The following EBF2 variants were observed in gnomAD, a reference collection of about 807,000 sequenced individuals.
EBF2 encodes transcription factor COE2.
EBF2 carries 21 observed loss-of-function variants against 72.8 expected under a neutral mutation model. The observed-to-expected ratio is 0.29, with a 90% CI of 0.20 to 0.42. The LOEUF (loss-of-function observed/expected upper bound fraction) is 0.42. EBF2 is among the 10% of genes least tolerant of loss of function. The probability of loss-of-function intolerance (pLI) is 1.00; values close to 1 mark genes in which losing one functional copy is unlikely to be tolerated. For synonymous variants in EBF2, 299 were observed against 274.2 expected (o/e 1.09, Z -0.89); for missense variants, 637 against 731.2 (o/e 0.87, Z 1.49).
chr8:25,984,681 CA>C (rs200616204), intron 6 of EBF2, among the ~76,000 whole-genome samples: 17,537 of 140,980 alleles, frequency 0.12, 1,325 homozygotes, highest in East Asian at 0.32. Context: ...GACTCCATCT[CA>C]AAAAAAAAAA....
At chr8:25,905,466 A>G (rs183743221) in intron 7 of EBF2, among the ~76,000 whole-genome samples, 1 of 152,292 alleles carries the variant, frequency 6.6e-6, no homozygotes, top group Admixed American at 6.5e-5. Context: ...AATGAATTTT[A>G]AAATGTGATA....
At chr8:25,853,031 G>A (rs1306770980) in intron 14 of EBF2, among the ~76,000 whole-genome samples, 1 of 152,126 alleles carries the variant, frequency 6.6e-6, no homozygotes, top group East Asian at 1.9e-4. Flanking sequence ...CTTAATAAAG[G>A]TGACATTTCA....
intron 6 of EBF2, among the ~76,000 whole-genome samples, chr8:26,029,632 C>T (rs530839236): frequency 1.3e-5 from 2 of 152,184 alleles, no homozygotes; most frequent in African/African-American, 4.8e-5. Context: ...TGTGAGAAAA[C>T]GCAAAGACAG....
At chr8:26,043,474 G>A (rs953178482) in intron 1 of EBF2, among the ~76,000 whole-genome samples, 1 of 152,258 alleles carries the variant, frequency 6.6e-6, no homozygotes, top group African/African-American at 2.4e-5. Context: ...GCTCTGCGGT[G>A]CTGCCTTATT....
At chr8:26,007,144 T>C (rs182172794) in intron 6 of EBF2, among the ~76,000 whole-genome samples, 63 of 152,312 alleles carry the variant, frequency 4.1e-4, no homozygotes, top group Non-Finnish European at 5.0e-4. Context: ...TTTGGAGCCA[T>C]GTTGCTTCAG....
chr8:25,968,732 A>G (rs1024825062), intron 6 of EBF2, among the ~76,000 whole-genome samples: 1 of 152,154 alleles, frequency 6.6e-6, no homozygotes, highest in Non-Finnish European at 1.5e-5. Context: ...TAATTTTTGT[A>G]TTTTTAGTAG....
intron 6 of EBF2, among the ~76,000 whole-genome samples, chr8:25,994,747 T>C (rs943583518): frequency 2.0e-5 from 3 of 152,096 alleles, no homozygotes; most frequent in Admixed American, 6.6e-5. Flanking sequence ...TGAGTACACA[T>C]GGACACAAAT....
chr8:25,941,551 G>A (rs1803670813), intron 6 of EBF2, among the ~76,000 whole-genome samples: 1 of 152,074 alleles, frequency 6.6e-6, no homozygotes, highest in Non-Finnish European at 1.5e-5. Context: ...GACTCTTTTT[G>A]GGGAATGGGA....
intron 5 of EBF2, among the ~76,000 whole-genome samples, chr8:26,033,482 G>A (rs932450185): frequency 1.1e-4 from 16 of 152,130 alleles, no homozygotes; most frequent in Admixed American, 3.3e-4. Context: ...TGCCCACCTC[G>A]GCCTCCCAAA....
At chr8:25,969,528 C>A (rs886957868) in intron 6 of EBF2, among the ~76,000 whole-genome samples, 1 of 152,220 alleles carries the variant, frequency 6.6e-6, no homozygotes, top group Admixed American at 6.5e-5. Context: ...CATGGAGCAC[C>A]TATCCCGGGA....
chr8:25,849,516 T>C (rs1177577198), intron 15 of EBF2, among the ~76,000 whole-genome samples: 1 of 152,200 alleles, frequency 6.6e-6, no homozygotes, highest in African/African-American at 2.4e-5. Context: ...TAATGAAACC[T>C]CTTCCCTTTT....
intron 6 of EBF2, among the ~76,000 whole-genome samples, chr8:25,950,115 C>T (rs1430546406): frequency 6.6e-6 from 1 of 152,160 alleles, no homozygotes; most frequent in African/African-American, 2.4e-5. Flanking sequence ...CCATGGCCAC[C>T]TTAATCAGAG....
At chr8:25,941,766 G>T (rs1803677245) in intron 6 of EBF2, among the ~76,000 whole-genome samples, 1 of 152,044 alleles carries the variant, frequency 6.6e-6, no homozygotes. Context: ...TGCCCCTACA[G>T]GTGCTGCTCC....
intron 14 of EBF2, among the ~76,000 whole-genome samples, chr8:25,854,559 T>A (rs1024439195): frequency 3.9e-5 from 6 of 152,202 alleles, no homozygotes. Flanking sequence ...TAACAATGGT[T>A]ACCTCTGCAC....
In EBF2 at chr8:26,044,117, G is replaced by C. The variant is rs751628941; in HGVS notation, c.131+612C>G. ...TTTCTCCAGTTCCCTAGCTCCGTTC[G>C]TCTGGCTCACTGTTTTATCTTTGAG... On this transcript the variant is annotated intron_variant, in intron 1 of 15. Coordinates refer to ENST00000520164, the MANE Select transcript of EBF2 (RefSeq NM_022659.4). This position sits in a 1 kb window ranked among gnomAD's most constrained non-coding sequence, Gnocchi z 4.1. 6.6e-6 allele frequency among the ~76,000 whole-genome samples: 1 copy of C among 152,088 alleles called. No homozygotes were observed. Among genetic ancestry groups the C allele is most frequent in the African/African-American group, 2.4e-5 (1 of 41,388 alleles).
intron 14 of EBF2, among the ~76,000 whole-genome samples, chr8:25,852,059 T>TCA (rs1387528669): frequency 6.6e-6 from 1 of 152,178 alleles, no homozygotes; most frequent in African/African-American, 2.4e-5. Context: ...ATCCTTAAAG[T>TCA]AGTCTTGATT....
chr8:26,041,224 C>T, intron 2 of EBF2: 1 of 595,816 alleles, frequency 1.7e-6, no homozygotes, highest in East Asian at 2.8e-5. Context: ...TTCCAGCCCT[C>T]TGTCTCCCTT....
intron 10 of EBF2, among the ~76,000 whole-genome samples, chr8:25,866,533 A>AAT (rs1038964044): frequency 7.0e-6 from 1 of 143,540 alleles, no homozygotes; most frequent in Non-Finnish European, 1.5e-5. Flanking sequence ...AAAAATATAT[A>AAT]ATATATATTA....
intron 6 of EBF2, among the ~76,000 whole-genome samples, chr8:25,945,471 G>T (rs1356129138): frequency 6.6e-6 from 1 of 151,864 alleles, no homozygotes; most frequent in African/African-American, 2.4e-5. Context: ...TGCATCACCT[G>T]GTTAGAGAAG....
Sources: allele counts gnomAD v4.1 joint callset (sites outside exome capture counted in the v4.1 genomes callset), GRCh38; gene constraint gnomAD v4.1.1; non-coding constraint Gnocchi (gnomAD v3.1); transcripts MANE v1.5; gene names NCBI Gene and HGNC (gene_info 2026-07-23, HGNC 2026-07-21).